ELAVL2: variants seen among roughly 807,000 people sequenced by gnomAD.
The protein encoded by ELAVL2 is ELAV like RNA binding protein 2, also known as ELAV-like protein 2.
A neutral mutation model predicts 34.6 loss-of-function variants in ELAVL2; 4 were observed. The observed-to-expected ratio is 0.12, with a 90% CI of 0.06 to 0.26. The LOEUF (loss-of-function observed/expected upper bound fraction) is 0.26. ELAVL2 is among the 10% of genes least tolerant of loss of function. The pLI is 1.00. For missense variants in ELAVL2, 432 were observed against 442.8 expected (o/e 0.98, Z 0.22); for synonymous variants, 193 against 154.8 (o/e 1.25, Z -1.83).
Position 23,778,089 on chromosome 9 carries a change from G to A in ELAVL2, c.-15-15840C>T, listed in dbSNP as rs528998537. ...AGCAGGAAGAAAACATTGAGGGGATGGGAGTCAAAAGTCTACTTAAAGTAT... is the reference window on the plus strand; with the variant it reads ...AGCAGGAAGAAAACATTGAGGGGATAGGAGTCAAAAGTCTACTTAAAGTAT... On this transcript the variant is annotated intron_variant, in intron 1 of 6. Transcript: ENST00000397312. Among the ~76,000 whole-genome samples, 6 of 152,242 alleles carry A rather than the reference G, an allele frequency of 3.9e-5. No homozygotes were observed. In the South Asian group the frequency reaches 1.2e-3, roughly 32 times the overall value.
chr9:23,700,849 A>G (rs2036948319), intron 5 of ELAVL2, among the ~76,000 whole-genome samples: 1 of 151,804 alleles, frequency 6.6e-6, no homozygotes, highest in Non-Finnish European at 1.5e-5. Context: ...AGCTTGACCT[A>G]AAAATTGACA....
intron 1 of ELAVL2, among the ~76,000 whole-genome samples, chr9:23,790,260 AAG>A (rs1450860709): frequency 6.6e-6 from 1 of 152,118 alleles, no homozygotes; most frequent in Non-Finnish European, 1.5e-5. Context: ...GGTAGAAAAA[AAG>A]AGAGGGAATA....
chr9:23,803,186 C>CAGTA (rs2061779501), intron 1 of ELAVL2, among the ~76,000 whole-genome samples: 1 of 152,082 alleles, frequency 6.6e-6, no homozygotes, highest in South Asian at 2.1e-4. Flanking sequence ...TTCTCATGCC[C>CAGTA]AGTACTACCC....
intron 3 of ELAVL2, among the ~76,000 whole-genome samples, chr9:23,711,652 A>G (rs2040993165): frequency 6.6e-6 from 1 of 152,182 alleles, no homozygotes. Context: ...TCTCCACTAC[A>G]GTCTGAGTTG....
intron 1 of ELAVL2, among the ~76,000 whole-genome samples, chr9:23,801,410 T>A (rs1228061897): frequency 6.6e-6 from 1 of 152,168 alleles, no homozygotes; most frequent in African/African-American, 2.4e-5. Flanking sequence ...TATACTGTCA[T>A]TCATTCAATA....
chr9:23,770,289 G>A (rs1215590552), intron 1 of ELAVL2, among the ~76,000 whole-genome samples: 59 of 152,170 alleles, frequency 3.9e-4, no homozygotes, highest in Admixed American at 3.8e-3. Context: ...CATTAAACAA[G>A]CAGGCCTCAA....
At chr9:23,794,499 T>C (rs1300805249) in intron 1 of ELAVL2, among the ~76,000 whole-genome samples, 1 of 152,188 alleles carries the variant, frequency 6.6e-6, no homozygotes, top group Non-Finnish European at 1.5e-5. Flanking sequence ...TGAAAATATA[T>C]ACCCTAATCC....
chr9:23,733,192 ACTAAAAC>A (rs2047022560), intron 2 of ELAVL2, among the ~76,000 whole-genome samples: 1 of 149,766 alleles, frequency 6.7e-6, no homozygotes, highest in South Asian at 2.1e-4. Context: ...AAAAAAAAAA[ACTAAAAC>A]AAAAAAACCT....
At chr9:23,808,356 C>G (rs143213099) in intron 1 of ELAVL2, among the ~76,000 whole-genome samples, 2 of 152,090 alleles carry the variant, frequency 1.3e-5, no homozygotes, top group East Asian at 3.9e-4. Flanking sequence ...ACTGTATTCA[C>G]TACTATAGTC....
In ELAVL2 at chr9:23,719,113, A is replaced by G. The variant is rs148350540; in HGVS notation, c.333+11909T>C. On this transcript the variant is annotated intron_variant, in intron 3 of 6. Coordinates refer to ENST00000397312, the MANE Select transcript of ELAVL2 (RefSeq NM_004432.5). Reference sequence around the variant, plus strand: ...AGGGGCAGCGAGGAGGGGAACTACCACCTTTATCTTTGTTCTAAGACAAAG... The same window carrying G: ...AGGGGCAGCGAGGAGGGGAACTACCGCCTTTATCTTTGTTCTAAGACAAAG... 2.0e-3 allele frequency among the ~76,000 whole-genome samples: 310 copies of G among 152,266 alleles called. 3 individuals carry two copies. Among genetic ancestry groups the G allele is most frequent in the African/African-American group, 7.2e-3 (301 of 41,554 alleles).
At chr9:23,720,770 C>A (rs1432047281) in intron 3 of ELAVL2, among the ~76,000 whole-genome samples, 1 of 152,162 alleles carries the variant, frequency 6.6e-6, no homozygotes, top group Non-Finnish European at 1.5e-5. Context: ...CACAGACCTA[C>A]CCAAGTGCAA....
chr9:23,760,495 A>G (rs1017371311), intron 2 of ELAVL2, among the ~76,000 whole-genome samples: 2 of 152,064 alleles, frequency 1.3e-5, no homozygotes, highest in Non-Finnish European at 2.9e-5. Context: ...AAAACAAAAG[A>G]TAACATGTTT....
chr9:23,694,698 C>T (rs947038745), intron 5 of ELAVL2, among the ~76,000 whole-genome samples: 1 of 152,222 alleles, frequency 6.6e-6, no homozygotes, highest in African/African-American at 2.4e-5. Context: ...CACATCTCAT[C>T]TGGTCTTTCA....
chr9:23,725,096 G>C (rs146560091), intron 3 of ELAVL2, among the ~76,000 whole-genome samples: 2 of 151,976 alleles, frequency 1.3e-5, no homozygotes, highest in South Asian at 2.1e-4. Context: ...AAAACACTAG[G>C]GTGGGTTGAA....
chr9:23,796,644 A>C (rs565634215), intron 1 of ELAVL2, among the ~76,000 whole-genome samples: 1 of 152,246 alleles, frequency 6.6e-6, no homozygotes, highest in Non-Finnish European at 1.5e-5. Flanking sequence ...TCTAGAGTTT[A>C]CACCATCCTT....
intron 2 of ELAVL2, among the ~76,000 whole-genome samples, chr9:23,739,085 A>T (rs1164401231): frequency 6.6e-6 from 1 of 151,872 alleles, no homozygotes; most frequent in South Asian, 2.1e-4. Flanking sequence ...CTTGCCAAGT[A>T]TTACACCGGG....
chr9:23,744,909 TAAAC>T (rs1299404878), intron 2 of ELAVL2, among the ~76,000 whole-genome samples: 1 of 151,862 alleles, frequency 6.6e-6, no homozygotes, highest in Non-Finnish European at 1.5e-5. Flanking sequence ...CTTTTAAAAA[TAAAC>T]AAACCAAAAA....
chr9:23,772,883 A>G (rs1449220988), intron 1 of ELAVL2, among the ~76,000 whole-genome samples: 1 of 152,156 alleles, frequency 6.6e-6, no homozygotes, highest in East Asian at 1.9e-4. Flanking sequence ...GAGGCATCTT[A>G]AAAAAACAAG....
intron 5 of ELAVL2, among the ~76,000 whole-genome samples, chr9:23,696,662 G>A (rs538068325): frequency 3.9e-5 from 6 of 151,990 alleles, no homozygotes; most frequent in South Asian, 2.1e-4. Flanking sequence ...TAGTAGAGAC[G>A]GGGTTTCACC....
Sources: allele counts gnomAD v4.1 joint callset (sites outside exome capture counted in the v4.1 genomes callset), GRCh38; gene constraint gnomAD v4.1.1; transcripts MANE v1.5; gene names NCBI Gene and HGNC (gene_info 2026-07-23, HGNC 2026-07-21).